Variants in KCTD1 observed in about 807,000 individuals in gnomAD.
The protein encoded by KCTD1 is potassium channel tetramerization domain containing 1.
KCTD1 carries 24 observed loss-of-function variants against 66.0 expected under a neutral mutation model. The observed-to-expected ratio is 0.36, with a 90% CI of 0.26 to 0.51. The LOEUF (loss-of-function observed/expected upper bound fraction) is 0.51. Ranked by LOEUF, KCTD1 falls within the 20% of genes least tolerant of loss-of-function variation. The pLI is 0.95. For missense variants in KCTD1, 943 were observed against 1,205.2 expected (o/e 0.78, Z 3.22); for synonymous variants, 511 against 517.2 (o/e 0.99, Z 0.16).
intron 1 of KCTD1, among the ~76,000 whole-genome samples, chr18:26,614,083 A>G (rs1448474870): frequency 6.6e-6 from 1 of 152,128 alleles, no homozygotes; most frequent in Non-Finnish European, 1.5e-5. Context: ...AGTCAGAAAA[A>G]TATCTACACA....
At chr18:26,552,145 A>G (rs908983988), upstream of KCTD1, among the ~76,000 whole-genome samples, 2 of 152,202 alleles carry the variant, frequency 1.3e-5, no homozygotes, top group Non-Finnish European at 2.9e-5. Context: ...CACTTCTCAG[A>G]ATACTTGAAA....
At chr18:26,583,393 C>CAAAAAAAAAAAAAAAAAAAA (rs55720907) in intron 1 of KCTD1, among the ~76,000 whole-genome samples, 9 of 83,820 alleles carry the variant, frequency 1.1e-4, no homozygotes, top group East Asian at 3.8e-4. Context: ...GACTTTGTCT[C>CAAAAAAAAAAAAAAAAAAAA]AAAAAAAAAA....
At chr18:26,505,451 G>T (rs955943538) in intron 1 of KCTD1, among the ~76,000 whole-genome samples, 1 of 152,216 alleles carries the variant, frequency 6.6e-6, no homozygotes, top group African/African-American at 2.4e-5. Context: ...AACTCCCTCC[G>T]GAATACAGAC....
At chr18:26,540,879 G>A (rs2144810100) in intron 1 of KCTD1, among the ~76,000 whole-genome samples, 1 of 152,270 alleles carries the variant, frequency 6.6e-6, no homozygotes, top group East Asian at 1.9e-4. Context: ...CAGGGGGTTG[G>A]TGTCCCTAAG....
chr18:26,643,819 G>A (rs189882728), upstream of KCTD1, among the ~76,000 whole-genome samples: 17 of 152,210 alleles, frequency 1.1e-4, no homozygotes, highest in East Asian at 1.9e-3. Flanking sequence ...AAAATTAGCC[G>A]GGCTTGGTGG....
intron 1 of KCTD1, among the ~76,000 whole-genome samples, chr18:26,654,048 G>C (rs1988083250): frequency 6.6e-6 from 1 of 152,120 alleles, no homozygotes; most frequent in African/African-American, 2.4e-5. Context: ...AATGCAAATG[G>C]GAAAAGACCT....
At chr18:26,561,069 T>A (rs944250335) in intron 1 of KCTD1, among the ~76,000 whole-genome samples, 1 of 152,068 alleles carries the variant, frequency 6.6e-6, no homozygotes, top group Non-Finnish European at 1.5e-5. Context: ...TCTATAGATA[T>A]AAAGAATAAT....
intron 1 of KCTD1, among the ~76,000 whole-genome samples, chr18:26,628,865 G>A (rs935707364): frequency 6.6e-6 from 1 of 152,164 alleles, no homozygotes; most frequent in South Asian, 2.1e-4. Context: ...GTTTAAATCT[G>A]GGACAGAATG....
chr18:26,476,852 G>A lies in KCTD1; in HGVS notation c.1989-193C>T. ...ACGAGACCATTCAAAATAGTCCTAG[G>A]CTTTGTCAAATGAATTCTTTTATTC... On this transcript the variant is annotated intron_variant, in intron 2 of 4. Coordinates refer to ENST00000580059, the MANE Select transcript of KCTD1 (RefSeq NM_001142730.3). The surrounding 1 kb of genome is among the most constrained non-coding windows in gnomAD (Gnocchi z 4.9). 1.9e-6 allele frequency: 1 copy of A among 533,058 alleles called. No individual in the cohort carries two copies. 33.0% of individuals were successfully genotyped at this position (533,058 alleles called of 1,614,324 possible).
At chr18:26,565,991 T>C (rs1985972676) in intron 1 of KCTD1, 1 of 152,294 alleles carries the variant, frequency 6.6e-6, no homozygotes, top group African/African-American at 2.4e-5. Flanking sequence ...TTTACTTTTT[T>C]TTCCCCCCCC....
At chr18:26,560,238 T>A (rs548714795) in intron 1 of KCTD1, among the ~76,000 whole-genome samples, 6 of 152,202 alleles carry the variant, frequency 3.9e-5, no homozygotes, top group Admixed American at 2.0e-4. Flanking sequence ...CTTTTGTGTA[T>A]GACAAACATT....
intron 1 of KCTD1, among the ~76,000 whole-genome samples, chr18:26,578,763 T>C (rs1004584295): frequency 6.6e-6 from 1 of 152,226 alleles, no homozygotes; most frequent in African/African-American, 2.4e-5. Context: ...TATGCCAATA[T>C]TAAATGCACC....
chr18:26,626,159 A>C (rs541967812), intron 1 of KCTD1, among the ~76,000 whole-genome samples: 2 of 144,522 alleles, frequency 1.4e-5, no homozygotes, highest in Non-Finnish European at 3.0e-5. Context: ...TGAGCCAAAA[A>C]AAAAAACAAA....
At chr18:26,523,677 C>T (rs1346441244) in intron 1 of KCTD1, among the ~76,000 whole-genome samples, 2 of 152,156 alleles carry the variant, frequency 1.3e-5, no homozygotes, top group Non-Finnish European at 2.9e-5. Flanking sequence ...TCCAAACCAT[C>T]ATAACACCTA....
intron 3 of KCTD1, among the ~76,000 whole-genome samples, chr18:26,471,272 G>A (rs561227393): frequency 4.6e-5 from 7 of 151,714 alleles, no homozygotes; most frequent in African/African-American, 1.5e-4. Flanking sequence ...TCTATAACAC[G>A]CTGTACTCTT....
At chr18:26,610,613 GGAAT>G (rs1273871047) in intron 1 of KCTD1, among the ~76,000 whole-genome samples, 8 of 146,242 alleles carry the variant, frequency 5.5e-5, no homozygotes, top group Non-Finnish European at 9.0e-5. Context: ...AAGGAAGGAA[GGAAT>G]GAAGGAAGGA....
chr18:26,601,789 T>G (rs1986905118), intron 1 of KCTD1, among the ~76,000 whole-genome samples: 1 of 152,242 alleles, frequency 6.6e-6, no homozygotes, highest in Admixed American at 6.5e-5. Flanking sequence ...GTTTACTTAA[T>G]TTTATTATTG....
At chr18:26,470,074 A>C (rs1182512300) in intron 3 of KCTD1, among the ~76,000 whole-genome samples, 1 of 152,228 alleles carries the variant, frequency 6.6e-6, no homozygotes, top group East Asian at 1.9e-4. Flanking sequence ...GGTGGGAACA[A>C]GAGCCTAGTT....
chr18:26,607,344 C>G (rs955682116), intron 1 of KCTD1, among the ~76,000 whole-genome samples: 4 of 152,128 alleles, frequency 2.6e-5, no homozygotes, highest in Non-Finnish European at 4.4e-5. Flanking sequence ...ACTTTTTTGA[C>G]AAACCTCACA....
Sources: gnomAD v4.1 joint callset for allele counts (sites outside exome capture counted in the v4.1 genomes callset) on GRCh38, gnomAD v4.1.1 for gene constraint, Gnocchi (gnomAD v3.1) non-coding constraint, MANE v1.5 for transcripts, NCBI Gene and HGNC (gene_info 2026-07-23, HGNC 2026-07-21) for gene names.